Variants in TRIM5 observed in about 807,000 individuals in gnomAD.
TRIM5 encodes the protein tripartite motif containing 5.
Under a neutral mutation model 35.6 loss-of-function variants are expected in TRIM5, and 31 were observed. The ratio of observed to expected loss-of-function variants is 0.87; its 90% CI spans 0.65 to 1.18. TRIM5 has a LOEUF of 1.18. TRIM5 is among the 50% of genes most tolerant of loss of function. The pLI, the probability that TRIM5 is intolerant of heterozygous loss-of-function variation, is 0.00. For missense variants in TRIM5, 609 were observed against 591.6 expected (o/e 1.03, Z -0.31); for synonymous variants, 243 against 215.6 (o/e 1.13, Z -1.11).
At chr11:5,603,433 C>T in the TRIM5 span, 6 of 1,614,096 alleles carry the variant, frequency 3.7e-6, no homozygotes, top group Non-Finnish European at 5.1e-6. Flanking sequence ...CTGCATCACA[C>T]CAAATGGCAG....
In TRIM5 at chr11:5,664,556, T is replaced by G. The variant is rs1317760560; in HGVS notation, c.*253A>C. The G allele has an allele frequency of 8.4e-7, 1 of 1,194,522 alleles. No homozygotes were observed. Among genetic ancestry groups the G allele is most frequent in the African/African-American group, 1.6e-5 (1 of 63,562 alleles). The allele number at this position is 1,194,522 out of a possible 1,614,324, so 74.0% of individuals were successfully genotyped here. A position where few individuals can be genotyped will look rare whatever the true frequency, so the allele number is the denominator to read the frequency against. On this transcript the variant is annotated 3_prime_UTR_variant, in exon 8 of 8. Coordinates refer to ENST00000380034, the MANE Select transcript of TRIM5 (RefSeq NM_033034.3). ...TAATACCTAAATAGCGGTCTCATTT[T>G]ATGAGGTATAGGTCAGTTTTCCTTA... is the stretch of plus-strand genomic sequence containing the variant.
rs58477024 is a variant in TRIM5 at position 5,679,851 on chromosome 11, G to A, written c.327C>T (p.Asp109=). ...CACAAAGCCAGCAAATGACCTTCCCGTCCTCCTGACAGAAGAGTAGAAGTT... is the reference window on the plus strand; with the variant it reads ...CACAAAGCCAGCAAATGACCTTCCCATCCTCCTGACAGAAGAGTAGAAGTT... The part of the protein sequence containing the change: ...GEKLLLFCQE[D]GKVICWLCER... The change falls in exon 2 of 8, where the codon GAC becomes GAT. Residue 109 remains aspartate (D), a synonymous_variant. Transcript: ENST00000380034. The A allele has an allele frequency of 2.6e-4, 414 of 1,613,460 alleles. 1 individual carries two copies. The African/African-American group carries it at 4.1e-3, about 16-fold the overall frequency.
chr11:5,613,700 T>C, the TRIM5 span, among the ~76,000 whole-genome samples: 1 of 152,230 alleles, frequency 6.6e-6, no homozygotes, highest in Admixed American at 6.5e-5. Context: ...AAACTCATTT[T>C]ACAAGTAAAT....
chr11:5,645,175 T>C, the TRIM5 span, among the ~76,000 whole-genome samples: 86,980 of 151,716 alleles, frequency 0.57, 25,073 homozygotes, highest in Admixed American at 0.59. Context: ...GAGGATCACG[T>C]GAGGTCAGGA....
Position 5,664,988 on chromosome 11 carries a change from G to T in TRIM5, c.1303C>A (p.Pro435Thr). The change falls in exon 8 of 8, where the codon CCT becomes ACT. Residue 435 changes from proline to threonine, a missense_variant. Transcript: ENST00000380034. ...TCTAGGAAAACTCCAACACGATCAG[G>T]ACAAATAATCACAGAGAGGGGCACA... ...FIVPLSVIIC[P>T]DRVGVFLDYE... The T allele has an allele frequency of 6.2e-7, 1 of 1,614,110 alleles. No homozygotes were observed. Among genetic ancestry groups the T allele is most frequent in the Non-Finnish European group, 8.5e-7 (1 of 1,180,026 alleles).
chr11:5,639,635 G>T, the TRIM5 span, among the ~76,000 whole-genome samples: 1 of 123,210 alleles, frequency 8.1e-6, no homozygotes, highest in Non-Finnish European at 1.6e-5. Context: ...AGCCAAGTTC[G>T]CACCACTGCA....
chr11:5,678,584 C>A, intron 3 of TRIM5, 150 bp from the exon 4 acceptor site: 2 of 593,762 alleles, frequency 3.4e-6, no homozygotes, highest in South Asian at 5.5e-5. Context: ...TTTCCTATTT[C>A]TTTTCCTTCA....
chr11:5,652,855 T>TC, the TRIM5 span, among the ~76,000 whole-genome samples: 2 of 145,680 alleles, frequency 1.4e-5, no homozygotes, highest in African/African-American at 5.3e-5. Flanking sequence ...TCTTTTTCTT[T>TC]TTTTTTTTTT....
chr11:5,642,932 T>A, the TRIM5 span: 1 of 1,561,356 alleles, frequency 6.4e-7, no homozygotes, highest in Non-Finnish European at 8.7e-7. Flanking sequence ...CTTAGCCTCA[T>A]GCATTCTCAG....
the TRIM5 span, among the ~76,000 whole-genome samples, chr11:5,628,298 A>C: frequency 2.0e-5 from 3 of 152,244 alleles, no homozygotes; most frequent in African/African-American, 4.8e-5. Context: ...TTGGAATAAA[A>C]GATAACAAAG....
the TRIM5 span, among the ~76,000 whole-genome samples, chr11:5,652,334 A>G: frequency 6.6e-6 from 1 of 152,038 alleles, no homozygotes; most frequent in South Asian, 2.1e-4. Context: ...TCTTGAGTTG[A>G]CTTTTGTATA....
At chr11:5,605,607 A>G in the TRIM5 span, 1 of 1,569,792 alleles carries the variant, frequency 6.4e-7, no homozygotes, top group Non-Finnish European at 8.6e-7. Context: ...GAGTCAAGGA[A>G]AAGAGAAACT....
chr11:5,622,234 A>G, the TRIM5 span, among the ~76,000 whole-genome samples: 1 of 152,174 alleles, frequency 6.6e-6, no homozygotes, highest in Non-Finnish European at 1.5e-5. Flanking sequence ...TCATGAGGTC[A>G]AGAGTTTGAG....
the TRIM5 span, among the ~76,000 whole-genome samples, chr11:5,632,935 T>C: frequency 6.0e-5 from 9 of 149,550 alleles, no homozygotes; most frequent in Middle Eastern, 3.4e-3. Flanking sequence ...CAAGTAATTT[T>C]CCTGCCTCAG....
chr11:5,643,126 T>TATATA, the TRIM5 span: 205,854 of 1,076,918 alleles, frequency 0.19, 19,092 homozygotes, highest in East Asian at 0.4. Flanking sequence ...TATATATATA[T>TATATA]TTTTTTTTTT....
At chr11:5,639,854 A>G in the TRIM5 span, among the ~76,000 whole-genome samples, 25 of 152,074 alleles carry the variant, frequency 1.6e-4, no homozygotes, top group African/African-American at 6.0e-4. Context: ...TTGGTACTTA[A>G]TAAGTATACA....
chr11:5,642,305 T>C, the TRIM5 span: 1 of 1,069,100 alleles, frequency 9.4e-7, no homozygotes, highest in Non-Finnish European at 1.4e-6. Context: ...GGGAGAAGGG[T>C]TCAAGTGCAT....
the TRIM5 span, among the ~76,000 whole-genome samples, chr11:5,648,710 T>A: frequency 6.6e-6 from 1 of 152,132 alleles, no homozygotes; most frequent in Non-Finnish European, 1.5e-5. Context: ...AGAAACAGTT[T>A]TCACCCTTGT....
chr11:5,661,788 T>A (rs1038237792), downstream of TRIM5, among the ~76,000 whole-genome samples: 2 of 152,186 alleles, frequency 1.3e-5, no homozygotes, highest in African/African-American at 4.8e-5. Flanking sequence ...ATAAGCTTCA[T>A]ATTCTTTTCA....
Sources: gnomAD v4.1 joint callset for allele counts (sites outside exome capture counted in the v4.1 genomes callset) on GRCh38, gnomAD v4.1.1 for gene constraint, MANE v1.5 for transcripts, NCBI Gene and HGNC (gene_info 2026-07-23, HGNC 2026-07-21) for gene names.